Variants in RBFOX1 observed in about 807,000 individuals in gnomAD.
The protein encoded by RBFOX1 is RNA binding fox-1 homolog 1, also known as RNA binding protein fox-1 homolog 1.
Under a neutral mutation model 57.7 loss-of-function variants are expected in RBFOX1, and 8 were observed. That is an observed-to-expected ratio of 0.14 (90% CI 0.08 to 0.25). The LOEUF (loss-of-function observed/expected upper bound fraction) is 0.25, where lower values mean the gene tolerates loss of function less well. Among genes scored for constraint, RBFOX1 ranks in the 10% least tolerant of loss-of-function variants. The pLI is 1.00. For missense variants in RBFOX1, 611 were observed against 548.5 expected (o/e 1.11, Z -1.14); for synonymous variants, 326 against 222.4 (o/e 1.47, Z -4.15).
In RBFOX1 at chr16:6,620,758, T is replaced by C. The variant is rs538365424; in HGVS notation, c.-63-33845T>C. ...CATAAACTAGAAACTCTGAAAGAAA[T>C]GGATAAATTCCTGGACGCATAGATC... is the stretch of plus-strand genomic sequence containing the variant. On this transcript the variant is annotated intron_variant, in intron 2 of 15. Transcript: ENST00000550418. Among the ~76,000 whole-genome samples, 7 of 152,210 alleles carry C rather than the reference T, an allele frequency of 4.6e-5. No individual in the cohort carries two copies. The South Asian group carries it at 1.5e-3, about 32-fold the overall frequency.
intron 5 of RBFOX1, among the ~76,000 whole-genome samples, chr16:7,567,371 ATATATCCCTATG>A: frequency 7.0e-6 from 1 of 143,706 alleles, no homozygotes; most frequent in Non-Finnish European, 1.5e-5. Flanking sequence ...GGCCCTATAT[ATATATCCCTATG>A]TATGGCCCTA....
intron 4 of RBFOX1, among the ~76,000 whole-genome samples, chr16:7,310,085 G>T (rs2096274388): frequency 6.6e-6 from 1 of 152,234 alleles, no homozygotes; most frequent in Non-Finnish European, 1.5e-5. Flanking sequence ...GGCTGTGTCA[G>T]ATAGGGTCAG....
chr16:7,653,696 G>T, intron 11 of RBFOX1, 119 bp from the exon 12 acceptor site: 4 of 1,417,476 alleles, frequency 2.8e-6, no homozygotes, highest in Non-Finnish European at 3.8e-6. Context: ...TCCGGGAAGC[G>T]GGCGGGGGTC....
intron 3 of RBFOX1, among the ~76,000 whole-genome samples, chr16:6,713,292 G>A (rs1213602598): frequency 6.6e-6 from 1 of 151,666 alleles, no homozygotes; most frequent in African/African-American, 2.4e-5. Flanking sequence ...AATAATAACA[G>A]TCCCCCATTG....
chr16:7,599,638 C>CTTTTTTTTTTTTTTTTTTTTTTTTTTT lies in RBFOX1; in HGVS notation c.622+2219_622+2220insTTTTTTTTTTTTTTTTTTTTTTTTTTT, dbSNP rs542898195. ...GAGAAGATGAAGAAATTAATAAAGA[C>CTTTTTTTTTTTTTTTTTTTTTTTTTTT]TTTTTTTTTTTTCTTTTTTTTTTTT... On this transcript the variant is annotated intron_variant, in intron 9 of 15. Transcript: ENST00000550418. Among the ~76,000 whole-genome samples, 14 of 62,804 alleles carry CTTTTTTTTTTTTTTTTTTTTTTTTTTT rather than the reference C, an allele frequency of 2.2e-4. 7 individuals carry two copies. The highest frequency in any genetic ancestry group is 4.9e-4 in the African/African-American group (10 of 20,312). The allele number at this position is 62,804 out of a possible 152,430, so 41.2% of individuals were successfully genotyped here.
intron 2 of RBFOX1, among the ~76,000 whole-genome samples, chr16:6,436,169 C>T (rs1006271819): frequency 2.0e-5 from 3 of 151,952 alleles, no homozygotes; most frequent in Non-Finnish European, 2.9e-5. Flanking sequence ...AAATGCAGCT[C>T]AATACAGTTA....
At chr16:7,344,847 C>T (rs1431968777) in intron 4 of RBFOX1, among the ~76,000 whole-genome samples, 2 of 152,186 alleles carry the variant, frequency 1.3e-5, no homozygotes, top group South Asian at 2.1e-4. Context: ...CCCCATCCTC[C>T]ATGGGGAAAT....
chr16:5,462,956 G>A (rs2068838510), intron 1 of RBFOX1, among the ~76,000 whole-genome samples: 1 of 152,170 alleles, frequency 6.6e-6, no homozygotes, highest in Non-Finnish European at 1.5e-5. Context: ...ATTTGTCTGG[G>A]AAAGGTGTTC....
At chr16:6,384,401 T>C (rs2092093410) in intron 2 of RBFOX1, among the ~76,000 whole-genome samples, 2 of 152,240 alleles carry the variant, frequency 1.3e-5, no homozygotes, top group African/African-American at 4.8e-5. Context: ...AGCTAGATTC[T>C]GCTAGGGTGG....
intron 2 of RBFOX1, among the ~76,000 whole-genome samples, chr16:5,524,934 C>T (rs900726830): frequency 2.6e-5 from 4 of 152,198 alleles, no homozygotes; most frequent in Admixed American, 6.5e-5. Context: ...CATACCCTCA[C>T]CTCCTACCCC....
At chr16:6,832,584 G>A (rs1336987234) in intron 3 of RBFOX1, among the ~76,000 whole-genome samples, 1 of 152,182 alleles carries the variant, frequency 6.6e-6, no homozygotes, top group Non-Finnish European at 1.5e-5. Context: ...TGCAGCAGCC[G>A]CAGACGGAAA....
At chr16:5,909,238 A>T (rs538464117) in intron 4 of RBFOX1, among the ~76,000 whole-genome samples, 4 of 151,282 alleles carry the variant, frequency 2.6e-5, no homozygotes, top group Non-Finnish European at 5.9e-5. Context: ...GACTACAGGC[A>T]CCCACCACCA....
At chr16:6,955,028 C>G (rs182452298) in intron 3 of RBFOX1, among the ~76,000 whole-genome samples, 1 of 145,008 alleles carries the variant, frequency 6.9e-6, no homozygotes, top group East Asian at 2.0e-4. Flanking sequence ...CCCGGGAGTT[C>G]AAGACAAGCC....
intron 3 of RBFOX1, among the ~76,000 whole-genome samples, chr16:7,004,827 G>T (rs2093156929): frequency 6.6e-6 from 1 of 152,250 alleles, no homozygotes; most frequent in South Asian, 2.1e-4. Context: ...TCAGCTGTTG[G>T]AACCTGTTGG....
chr16:6,419,814 A>G (rs2093725181), intron 2 of RBFOX1, among the ~76,000 whole-genome samples: 1 of 152,200 alleles, frequency 6.6e-6, no homozygotes, highest in Non-Finnish European at 1.5e-5. Flanking sequence ...TTATGAAGAC[A>G]AGCTGTGCGG....
At chr16:7,578,523 A>G (rs942501176) in intron 5 of RBFOX1, among the ~76,000 whole-genome samples, 1 of 152,192 alleles carries the variant, frequency 6.6e-6, no homozygotes, top group Non-Finnish European at 1.5e-5. Flanking sequence ...AATTATGCCC[A>G]TGTTATCTGA....
chr16:6,754,620 G>A (rs2075487547), intron 3 of RBFOX1, among the ~76,000 whole-genome samples: 1 of 152,048 alleles, frequency 6.6e-6, no homozygotes, highest in Non-Finnish European at 1.5e-5. Flanking sequence ...GAATTTTTCA[G>A]GAGCACACTT....
intron 2 of RBFOX1, among the ~76,000 whole-genome samples, chr16:6,342,582 G>A (rs927548562): frequency 3.9e-5 from 6 of 152,140 alleles, no homozygotes; most frequent in Non-Finnish European, 8.8e-5. Context: ...AGTTAGGTAG[G>A]TTTTGCTGAG....
intron 4 of RBFOX1, among the ~76,000 whole-genome samples, chr16:5,891,273 A>T (rs925834801): frequency 6.6e-6 from 1 of 152,098 alleles, no homozygotes; most frequent in African/African-American, 2.4e-5. Flanking sequence ...GCACGGGAGG[A>T]GCTGTCGGAT....
Sources: gnomAD v4.1 joint callset for allele counts (sites outside exome capture counted in the v4.1 genomes callset) on GRCh38, gnomAD v4.1.1 for gene constraint, MANE v1.5 for transcripts, NCBI Gene and HGNC (gene_info 2026-07-23, HGNC 2026-07-21) for gene names.